EDIL3: variants seen among roughly 807,000 people sequenced by gnomAD.
EDIL3 encodes the protein EGF like and discoidin domains 3.
A neutral mutation model predicts 67.4 loss-of-function variants in EDIL3; 37 were observed. The observed-to-expected ratio is 0.55, with a 90% CI of 0.42 to 0.72. The LOEUF (loss-of-function observed/expected upper bound fraction) is 0.72, where lower values mean the gene tolerates loss of function less well. Among genes scored for constraint, EDIL3 ranks in the 30% least tolerant of loss-of-function variants. The pLI, the probability that EDIL3 is intolerant of heterozygous loss-of-function variation, is 0.00. For synonymous variants in EDIL3, 195 were observed against 196.3 expected (o/e 0.99, Z 0.05); for missense variants, 527 against 586.3 (o/e 0.90, Z 1.04).
intron 9 of EDIL3, among the ~76,000 whole-genome samples, chr5:83,996,862 T>C (rs1032814087): frequency 6.6e-6 from 1 of 152,230 alleles, no homozygotes; most frequent in Admixed American, 6.5e-5. Context: ...CAGAATATTA[T>C]GCCCAGCCTA....
At chr5:84,340,858 C>T (rs78654167) in intron 1 of EDIL3, among the ~76,000 whole-genome samples, 254 of 151,728 alleles carry the variant, frequency 1.7e-3, no homozygotes, top group African/African-American at 5.8e-3. Context: ...AATTTTCATT[C>T]AGTTTCTCAA....
At chr5:84,170,693 T>C (rs768884323) in intron 4 of EDIL3, among the ~76,000 whole-genome samples, 1 of 152,172 alleles carries the variant, frequency 6.6e-6, no homozygotes, top group Non-Finnish European at 1.5e-5. Flanking sequence ...GAAATTTGAA[T>C]TACATGCAAT....
intron 9 of EDIL3, among the ~76,000 whole-genome samples, chr5:84,045,571 C>G (rs1746206646): frequency 6.6e-6 from 1 of 152,010 alleles, no homozygotes; most frequent in South Asian, 2.1e-4. Flanking sequence ...AAGTTATTAC[C>G]TAGAAGCTGC....
chr5:84,325,337 A>G (rs1282975597), intron 1 of EDIL3, among the ~76,000 whole-genome samples: 1 of 152,006 alleles, frequency 6.6e-6, no homozygotes, highest in Non-Finnish European at 1.5e-5. Context: ...CTGGGTAGAC[A>G]TTTCTTCAAA....
intron 1 of EDIL3, among the ~76,000 whole-genome samples, chr5:84,315,193 C>A (rs555597073): frequency 1.3e-4 from 20 of 152,270 alleles, no homozygotes; most frequent in African/African-American, 4.8e-4. Flanking sequence ...GGACTCAACT[C>A]TGCACTTTGC....
Position 84,381,241 on chromosome 5 carries a change from G to C in EDIL3, c.67+3067C>G, listed in dbSNP as rs138754537. On this transcript the variant is annotated intron_variant, in intron 1 of 10. Coordinates refer to ENST00000296591, the MANE Select transcript of EDIL3 (RefSeq NM_005711.5). Reference sequence around the variant, plus strand: ...CAGAAAAACATTTTCAGAACCAGAGGAAAAAATTGTGTGTTGTATCACCAC... The same window carrying C: ...CAGAAAAACATTTTCAGAACCAGAGCAAAAAATTGTGTGTTGTATCACCAC... 3.4e-4 allele frequency among the ~76,000 whole-genome samples: 52 copies of C among 152,066 alleles called. No individual in the cohort carries two copies. The East Asian group carries it at 9.8e-3, about 29-fold the overall frequency.
intron 3 of EDIL3, among the ~76,000 whole-genome samples, chr5:84,201,021 T>C (rs1743820581): frequency 6.6e-6 from 1 of 152,118 alleles, no homozygotes; most frequent in South Asian, 2.1e-4. Context: ...AGATGTTTTA[T>C]AATATTTTAA....
intron 4 of EDIL3, among the ~76,000 whole-genome samples, chr5:84,171,448 C>A (rs977686228): frequency 2.6e-5 from 4 of 152,162 alleles, no homozygotes; most frequent in African/African-American, 9.7e-5. Flanking sequence ...CCTTGGAACT[C>A]TGGCTCCTAT....
At chr5:84,194,852 A>T (rs892804023) in intron 3 of EDIL3, among the ~76,000 whole-genome samples, 6 of 151,934 alleles carry the variant, frequency 3.9e-5, no homozygotes, top group African/African-American at 1.4e-4. Context: ...GTAGCTCATA[A>T]AACAGTAAGG....
intron 4 of EDIL3, among the ~76,000 whole-genome samples, chr5:84,172,543 C>T (rs1356289162): frequency 6.6e-6 from 1 of 151,998 alleles, no homozygotes; most frequent in African/African-American, 2.4e-5. Context: ...TTGCACACCA[C>T]TGCACTCCAG....
At position 84,346,958 on chromosome 5, in the gene EDIL3, A is replaced by C. The variant is rs368189270; in HGVS notation, c.67+37350T>G. ...CAGAATCATTTCAATTGCATAAAAGAATGCATTCTCTTTTTGTCTGAATTA... is the reference window on the plus strand; with the variant it reads ...CAGAATCATTTCAATTGCATAAAAGCATGCATTCTCTTTTTGTCTGAATTA... On this transcript the variant is annotated intron_variant, in intron 1 of 10. Transcript: ENST00000296591. 1.5e-4 allele frequency among the ~76,000 whole-genome samples: 23 copies of C among 152,188 alleles called. No homozygotes were observed. The East Asian group carries it at 1.9e-3, about 13-fold the overall frequency.
chr5:84,018,548 A>G (rs1434056411), intron 9 of EDIL3, among the ~76,000 whole-genome samples: 3 of 152,114 alleles, frequency 2.0e-5, no homozygotes, highest in Non-Finnish European at 4.4e-5. Context: ...TTATTCTACT[A>G]TCAAGAGTCA....
intron 3 of EDIL3, among the ~76,000 whole-genome samples, chr5:84,196,044 C>T (rs962739709): frequency 6.6e-6 from 1 of 151,852 alleles, no homozygotes; most frequent in Admixed American, 6.6e-5. Context: ...CTATGCTATC[C>T]CTTGGAGCAT....
At chr5:84,008,501 G>A (rs529913338) in intron 9 of EDIL3, among the ~76,000 whole-genome samples, 1 of 152,166 alleles carries the variant, frequency 6.6e-6, no homozygotes, top group African/African-American at 2.4e-5. Context: ...AATTTGAATG[G>A]AAAAATAAGA....
At chr5:84,027,003 G>A (rs968238217) in intron 9 of EDIL3, among the ~76,000 whole-genome samples, 11 of 152,122 alleles carry the variant, frequency 7.2e-5, no homozygotes, top group African/African-American at 2.7e-4. Flanking sequence ...GCTGAGGTGG[G>A]AGGATCACCT....
chr5:84,358,453 T>C (rs1367051909), intron 1 of EDIL3, among the ~76,000 whole-genome samples: 1 of 152,168 alleles, frequency 6.6e-6, no homozygotes, highest in Non-Finnish European at 1.5e-5. Context: ...TGGTGGATTT[T>C]GGTTATTTGA....
chr5:84,267,286 A>G (rs1214831456), intron 1 of EDIL3, among the ~76,000 whole-genome samples: 2 of 152,180 alleles, frequency 1.3e-5, no homozygotes, highest in African/African-American at 2.4e-5. Flanking sequence ...GGCCTCTTGC[A>G]TTAATCTTCT....
chr5:84,208,406 G>A (rs1348003556), intron 3 of EDIL3, among the ~76,000 whole-genome samples: 8 of 152,040 alleles, frequency 5.3e-5, no homozygotes, highest in South Asian at 2.1e-4. Context: ...CAGGCCAGGC[G>A]CGGTGGCTCA....
chr5:84,354,267 C>T (rs1175768996), intron 1 of EDIL3, among the ~76,000 whole-genome samples: 1 of 152,018 alleles, frequency 6.6e-6, no homozygotes, highest in African/African-American at 2.4e-5. Context: ...CTTCTCTTGC[C>T]CTCTCTATGG....
Sources: allele counts gnomAD v4.1 joint callset (sites outside exome capture counted in the v4.1 genomes callset), GRCh38; gene constraint gnomAD v4.1.1; transcripts MANE v1.5; gene names NCBI Gene and HGNC (gene_info 2026-07-23, HGNC 2026-07-21).